The following NCAM2 variants were observed in gnomAD, a reference collection of about 807,000 sequenced individuals.
The protein encoded by NCAM2 is N-CAM-2.
A neutral mutation model predicts 98.1 loss-of-function variants in NCAM2; 30 were observed. The ratio of observed to expected loss-of-function variants is 0.31; its 90% CI spans 0.23 to 0.41. The LOEUF is 0.41. Ranked by LOEUF, NCAM2 falls within the 10% of genes least tolerant of loss-of-function variation. The probability of loss-of-function intolerance (pLI) is 1.00; values close to 1 mark genes in which losing one functional copy is unlikely to be tolerated. For missense variants in NCAM2, 867 were observed against 1,005.8 expected, an observed-to-expected ratio of 0.86 and a Z score of 1.87; for synonymous variants, 368 against 342.4, an observed-to-expected ratio of 1.07 and a Z score of -0.83.
At chr21:21,172,259 G>C (rs1342886917) in intron 1 of NCAM2, among the ~76,000 whole-genome samples, 1 of 151,944 alleles carries the variant, frequency 6.6e-6, no homozygotes, top group Non-Finnish European at 1.5e-5. Flanking sequence ...TTTTAAAAAA[G>C]TTTTTAGATG....
intron 15 of NCAM2, among the ~76,000 whole-genome samples, chr21:21,506,817 T>C (rs1431995646): frequency 1.3e-5 from 2 of 152,154 alleles, no homozygotes; most frequent in East Asian, 3.9e-4. Flanking sequence ...TACATTATTT[T>C]TTTTCACTAC....
chr21:21,068,456 G>A lies in NCAM2; in HGVS notation c.55+69838G>A, dbSNP rs796456151. Among the ~76,000 whole-genome samples the A allele has an allele frequency of 7.8e-4, 100 of 128,312 alleles. 1 individual carries two copies. Among genetic ancestry groups the A allele is most frequent in the African/African-American group, 2.8e-3 (91 of 31,972 alleles). 84.2% of individuals were successfully genotyped at this position (128,312 alleles called of 152,430 possible). On this transcript the variant is annotated intron_variant, in intron 1 of 17. Transcript: ENST00000400546. ...AGTGTCCTGTGGTAGTCATGGTATT[G>A]CATTTTTTTTTTTTTTTTTTTGAGA... is the stretch of plus-strand genomic sequence containing the variant.
At chr21:21,361,430 GT>G (rs200216952) in intron 8 of NCAM2, among the ~76,000 whole-genome samples, 2 of 151,602 alleles carry the variant, frequency 1.3e-5, no homozygotes, top group African/African-American at 4.8e-5. Context: ...TTTGTACCAT[GT>G]TTTTTTTGGC....
intron 11 of NCAM2, among the ~76,000 whole-genome samples, chr21:21,430,679 A>G (rs1486327713): frequency 6.6e-6 from 1 of 151,958 alleles, no homozygotes; most frequent in Non-Finnish European, 1.5e-5. Context: ...TGAGAACAGC[A>G]TGGAGAAACC....
At chr21:21,116,927 C>T (rs931119045) in intron 1 of NCAM2, among the ~76,000 whole-genome samples, 1 of 151,462 alleles carries the variant, frequency 6.6e-6, no homozygotes, top group Non-Finnish European at 1.5e-5. Flanking sequence ...GAAGAAAGCT[C>T]AAAAAGAATT....
intron 8 of NCAM2, among the ~76,000 whole-genome samples, chr21:21,356,560 G>A (rs2147969356): frequency 6.6e-6 from 1 of 152,150 alleles, no homozygotes; most frequent in Admixed American, 6.5e-5. Flanking sequence ...TATAAGCAGT[G>A]ACTTAATCAG....
At chr21:21,514,131 G>T (rs1187312996) in intron 16 of NCAM2, among the ~76,000 whole-genome samples, 4 of 149,554 alleles carry the variant, frequency 2.7e-5, no homozygotes, top group Non-Finnish European at 5.9e-5. Context: ...ACCTATATAT[G>T]GTATAATTAA....
intron 11 of NCAM2, among the ~76,000 whole-genome samples, chr21:21,421,961 T>C (rs1441902361): frequency 6.6e-6 from 1 of 152,182 alleles, no homozygotes; most frequent in East Asian, 1.9e-4. Flanking sequence ...CCTTGCATTT[T>C]CCCTTTTTAA....
At chr21:21,349,094 T>A (rs1427568436) in intron 8 of NCAM2, among the ~76,000 whole-genome samples, 1 of 152,038 alleles carries the variant, frequency 6.6e-6, no homozygotes, top group Non-Finnish European at 1.5e-5. Flanking sequence ...TGGGATCACA[T>A]CAAATTAAAA....
intron 1 of NCAM2, among the ~76,000 whole-genome samples, chr21:21,046,615 C>G (rs2146279399): frequency 6.6e-6 from 1 of 152,268 alleles, no homozygotes; most frequent in East Asian, 1.9e-4. Flanking sequence ...TTTTGCTTCA[C>G]CATTTTGGCG....
chr21:21,061,558 G>A (rs1000901695), intron 1 of NCAM2, among the ~76,000 whole-genome samples: 1 of 152,024 alleles, frequency 6.6e-6, no homozygotes, highest in African/African-American at 2.4e-5. Flanking sequence ...TAATTAATCT[G>A]TTCAGAGATG....
chr21:21,280,476 GA>G (rs1349222237), intron 1 of NCAM2, 101 bp from the exon 2 acceptor site: 16 of 710,712 alleles, frequency 2.3e-5, no homozygotes, highest in Non-Finnish European at 4.5e-6. Context: ...AAATTGGGGG[GA>G]AATAATCAGC....
Position 21,521,137 on chromosome 21 carries a change from C to G in NCAM2, c.2282+12082C>G, listed in dbSNP as rs113647559. Among the ~76,000 whole-genome samples the G allele has an allele frequency of 4.2e-3, 633 of 152,178 alleles. 9 individuals carry two copies. The highest frequency in any genetic ancestry group is 0.015 in the African/African-American group (611 of 41,534). On this transcript the variant is annotated intron_variant, in intron 16 of 17. Coordinates refer to ENST00000400546, the MANE Select transcript of NCAM2 (RefSeq NM_004540.5). ...GAGAATGGAAATAGCCAACACCACC[C>G]GGCTCTATGTTTCCCCCTGGAAATC...
At chr21:21,271,970 C>G (rs202111002) in intron 1 of NCAM2, among the ~76,000 whole-genome samples, 2 of 152,002 alleles carry the variant, frequency 1.3e-5, no homozygotes, top group Non-Finnish European at 2.9e-5. Context: ...GTGCAGCACA[C>G]CAACATGGTG....
At chr21:21,034,627 G>A (rs2064760687) in intron 1 of NCAM2, among the ~76,000 whole-genome samples, 2 of 152,156 alleles carry the variant, frequency 1.3e-5, no homozygotes, top group African/African-American at 4.8e-5. Flanking sequence ...CATTTGGAAA[G>A]TTACAGTCAG....
At chr21:21,517,202 C>T (rs1263518127) in intron 16 of NCAM2, among the ~76,000 whole-genome samples, 1 of 152,154 alleles carries the variant, frequency 6.6e-6, no homozygotes, top group Non-Finnish European at 1.5e-5. Context: ...TAAAGATTTT[C>T]TATTTCATCA....
At chr21:21,342,499 A>G (rs1313206107) in intron 8 of NCAM2, among the ~76,000 whole-genome samples, 1 of 152,166 alleles carries the variant, frequency 6.6e-6, no homozygotes, top group Non-Finnish European at 1.5e-5. Context: ...GAACATCTAT[A>G]TGAAGCCTCT....
At chr21:21,149,197 TCTTC>T (rs947539929) in intron 1 of NCAM2, among the ~76,000 whole-genome samples, 6 of 152,156 alleles carry the variant, frequency 3.9e-5, no homozygotes, top group African/African-American at 1.4e-4. Context: ...CTATTTGAGG[TCTTC>T]CTTTTCCATA....
At chr21:21,395,085 A>G (rs560986803) in intron 9 of NCAM2, among the ~76,000 whole-genome samples, 1 of 152,174 alleles carries the variant, frequency 6.6e-6, no homozygotes, top group Non-Finnish European at 1.5e-5. Context: ...TAATCCCAAC[A>G]CTTTGGCAGG....
Sources: allele counts gnomAD v4.1 joint callset (sites outside exome capture counted in the v4.1 genomes callset), GRCh38; gene constraint gnomAD v4.1.1; transcripts MANE v1.5; gene names NCBI Gene and HGNC (gene_info 2026-07-23, HGNC 2026-07-21).